The following GREB1L variants were observed in gnomAD, a reference collection of about 807,000 sequenced individuals.
GREB1L encodes the protein GREB1 like retinoic acid receptor coactivator, also known as GREB1-like protein.
A neutral mutation model predicts 200.8 loss-of-function variants in GREB1L; 17 were observed. The observed-to-expected ratio is 0.08, with a 90% CI of 0.06 to 0.13. The LOEUF (loss-of-function observed/expected upper bound fraction) is 0.13, where lower values mean the gene tolerates loss of function less well. Ranked by LOEUF, GREB1L falls within the 10% of genes least tolerant of loss-of-function variation. The pLI, the probability that GREB1L is intolerant of heterozygous loss-of-function variation, is 1.00. For synonymous variants in GREB1L, 789 were observed against 893.0 expected, an observed-to-expected ratio of 0.88 and a Z score of 2.08; for missense variants, 1,657 against 2,367.7, an observed-to-expected ratio of 0.70 and a Z score of 6.23.
rs1311814599 is a variant in GREB1L at position 21,440,302 on chromosome 18, G to A, written c.983G>A (p.Arg328Gln). Residue 328 changes from arginine to glutamine, a missense_variant, in exon 9 of 33, where the codon CGA becomes CAA. Arg to Gln is a conservative substitution (Grantham distance 43). This residue lies in a region of GREB1L where 289 missense variants were observed against 345.1 expected (regional missense o/e 0.84). Transcript: ENST00000424526. ...TTCATTTCTGGGCCACCAAAGAAAC[G>A]ACACCGGGGATGGTATCCTGGGTCA... ...TMFISGPPKK[R>Q]HRGWYPGSPL... The A allele has an allele frequency of 3.2e-6, 5 of 1,551,374 alleles. No homozygotes were observed. Among genetic ancestry groups the A allele is most frequent in the African/African-American group, 2.7e-5 (2 of 72,946 alleles).
chr18:21,290,987 T>C (rs1283390332), intron 1 of GREB1L, among the ~76,000 whole-genome samples: 1 of 152,164 alleles, frequency 6.6e-6, no homozygotes, highest in Non-Finnish European at 1.5e-5. Flanking sequence ...GAGCAACGCT[T>C]GTCCTATAGG....
intron 31 of GREB1L, 136 bp downstream of exon 31, chr18:21,518,370 T>C: frequency 2.5e-6 from 2 of 794,198 alleles, no homozygotes; most frequent in Non-Finnish European, 4.0e-6. Context: ...AGAACTTTTA[T>C]TAAAGATAGT....
chr18:21,372,986 T>G (rs1321937297), intron 2 of GREB1L, among the ~76,000 whole-genome samples: 1 of 152,132 alleles, frequency 6.6e-6, no homozygotes, highest in Non-Finnish European at 1.5e-5. Context: ...GTATTTTATG[T>G]TTGGCCCAAG....
chr18:21,428,332 C>CTTTTTT (rs59982674), intron 7 of GREB1L, among the ~76,000 whole-genome samples: 27 of 54,034 alleles, frequency 5.0e-4, no homozygotes, highest in African/African-American at 1.3e-3. Flanking sequence ...GTCTTTTTGT[C>CTTTTTT]TTTTTTTTTT....
At chr18:21,291,440 T>C (rs1381436077) in intron 1 of GREB1L, among the ~76,000 whole-genome samples, 2 of 152,226 alleles carry the variant, frequency 1.3e-5, no homozygotes, top group African/African-American at 4.8e-5. Context: ...TGAGCTCACG[T>C]GTCTGCTTCA....
At chr18:21,345,206 G>C (rs2039327513) in intron 1 of GREB1L, among the ~76,000 whole-genome samples, 1 of 152,160 alleles carries the variant, frequency 6.6e-6, no homozygotes, top group South Asian at 2.1e-4. Context: ...TTGTTTCACA[G>C]CCATTTCGAA....
intron 1 of GREB1L, among the ~76,000 whole-genome samples, chr18:21,336,401 G>A (rs548742275): frequency 1.3e-5 from 2 of 152,308 alleles, no homozygotes; most frequent in East Asian, 1.9e-4. Context: ...GAAGTGACCT[G>A]CGTAGCTGCC....
At chr18:21,258,925 T>G (rs1411461699) in intron 1 of GREB1L, among the ~76,000 whole-genome samples, 1 of 152,202 alleles carries the variant, frequency 6.6e-6, no homozygotes, top group Non-Finnish European at 1.5e-5. Context: ...AATAGAGCCA[T>G]GGAATTGATA....
At chr18:21,483,092 T>C (rs1320346061) in intron 17 of GREB1L, among the ~76,000 whole-genome samples, 2 of 152,282 alleles carry the variant, frequency 1.3e-5, no homozygotes, top group African/African-American at 4.8e-5. Flanking sequence ...TCAAAACCCA[T>C]ACTGGCTCTA....
intron 1 of GREB1L, among the ~76,000 whole-genome samples, chr18:21,268,560 C>CACAGAT (rs1204514384): frequency 1.6e-5 from 1 of 63,520 alleles, no homozygotes; most frequent in African/African-American, 7.5e-5. Flanking sequence ...CACACACACA[C>CACAGAT]ATATATATAT....
chr18:21,281,405 T>C (rs1174018416), intron 1 of GREB1L, among the ~76,000 whole-genome samples: 2 of 152,228 alleles, frequency 1.3e-5, no homozygotes, highest in African/African-American at 4.8e-5. Flanking sequence ...TCTGATTTCA[T>C]GCCTTTAAAA....
intron 1 of GREB1L, among the ~76,000 whole-genome samples, chr18:21,318,626 A>G (rs2038908061): frequency 1.3e-5 from 2 of 152,224 alleles, no homozygotes; most frequent in Admixed American, 1.3e-4. Flanking sequence ...ATTTTCATGC[A>G]TATTCTATAC....
At chr18:21,414,552 G>A (rs1281158374) in intron 7 of GREB1L, among the ~76,000 whole-genome samples, 1 of 152,176 alleles carries the variant, frequency 6.6e-6, no homozygotes, top group Non-Finnish European at 1.5e-5. Flanking sequence ...GCAAGTTCAA[G>A]ATACAGGTAG....
chr18:21,333,589 C>T (rs368264662), intron 1 of GREB1L, among the ~76,000 whole-genome samples: 232 of 151,178 alleles, frequency 1.5e-3, no homozygotes, highest in South Asian at 2.9e-3. Flanking sequence ...GCAGGAGAAT[C>T]GCTTGAACCC....
rs2145936893 is a variant in GREB1L at position 21,499,890 on chromosome 18, G to C, written c.3553G>C (p.Glu1185Gln). ...CGGAGCCGGGGAGACTCTGAAGCAG[G>C]AATGTGACTCCCTGGGCCCCCAGAT... ...GAGAGETLKQ[E>Q]CDSLGPQMAS... The change falls in exon 22 of 33, where the codon GAA (glutamate) becomes CAA (glutamine). Residue 1185 changes from glutamate to glutamine, a missense_variant. By Grantham distance (29) the Glu-to-Gln change is conservative. Around this residue, in one of 9 missense-constraint regions of GREB1L, gnomAD observed 512 missense variants for 668.3 expected, o/e 0.77. Transcript: ENST00000424526. The C allele has an allele frequency of 6.4e-7, 1 of 1,550,454 alleles. No individual in the cohort carries two copies. The highest frequency in any genetic ancestry group is 2.0e-5 in the Admixed American group (1 of 50,802).
intron 4 of GREB1L, 140 bp downstream of exon 4, chr18:21,384,543 T>A: frequency 1.5e-6 from 1 of 673,858 alleles, no homozygotes. Context: ...ATGCTCTCAT[T>A]CACATTATCT....
At position 21,304,948 on chromosome 18, in the gene GREB1L, A is replaced by C. The variant is rs573966475; in HGVS notation, c.-119-61079A>C. 8.7e-4 allele frequency among the ~76,000 whole-genome samples: 131 copies of C among 151,302 alleles called. 1 individual carries two copies. Among genetic ancestry groups the C allele is most frequent in the Non-Finnish European group, 1.4e-3 (97 of 67,862 alleles). On this transcript the variant is annotated intron_variant, in intron 1 of 32. Coordinates refer to ENST00000424526, the MANE Select transcript of GREB1L (RefSeq NM_001142966.3). The stretch of plus-strand genomic sequence containing the variant: ...CAGAGAGGCCTTTCCTGAACATCTC[A>C]TCTAAATTATATACCCCTCCCTCCT...
intron 18 of GREB1L, among the ~76,000 whole-genome samples, chr18:21,489,341 T>A (rs1310473665): frequency 6.6e-6 from 1 of 152,114 alleles, no homozygotes; most frequent in Non-Finnish European, 1.5e-5. Context: ...TCCAGTCAGC[T>A]CCAAGTTTCT....
chr18:21,434,565 ATG>A (rs1235249875), intron 7 of GREB1L, among the ~76,000 whole-genome samples: 2 of 125,460 alleles, frequency 1.6e-5, no homozygotes, highest in Admixed American at 8.6e-5. Flanking sequence ...GTGTATATAT[ATG>A]TGTGTATATA....
Sources: allele counts gnomAD v4.1 joint callset (sites outside exome capture counted in the v4.1 genomes callset), GRCh38; gene constraint gnomAD v4.1.1; regional missense constraint gnomAD v4.1.1; transcripts MANE v1.5; gene names NCBI Gene and HGNC (gene_info 2026-07-23, HGNC 2026-07-21).